The following STIM2 variants were observed in gnomAD, a reference collection of about 807,000 sequenced individuals.
STIM2 encodes stromal interaction molecule 2.
A neutral mutation model predicts 85.8 loss-of-function variants in STIM2; 31 were observed. The ratio of observed to expected loss-of-function variants is 0.36; its 90% confidence interval spans 0.27 to 0.49. STIM2 has a LOEUF of 0.49. Ranked by LOEUF, STIM2 falls within the 20% of genes least tolerant of loss-of-function variation. The pLI, the probability that STIM2 is intolerant of heterozygous loss-of-function variation, is 0.98. For synonymous variants in STIM2, 356 were observed against 331.1 expected (o/e 1.08, Z -0.82); for missense variants, 841 against 927.6 (o/e 0.91, Z 1.21).
intron 7 of STIM2, 43 bp downstream of exon 7, chr4:27,003,147 T>C: frequency 6.6e-7 from 1 of 1,518,718 alleles, no homozygotes; most frequent in Non-Finnish European, 8.8e-7. Context: ...GATGTTAACA[T>C]TGCCACTCTG....
chr4:26,961,909 G>A (rs1337512814), intron 3 of STIM2, among the ~76,000 whole-genome samples: 3 of 152,064 alleles, frequency 2.0e-5, no homozygotes, highest in Non-Finnish European at 2.9e-5. Flanking sequence ...ATACCACCAC[G>A]ACTGGCTTAT....
intron 2 of STIM2, among the ~76,000 whole-genome samples, 180 bp downstream of exon 2, chr4:26,919,814 T>TC (rs940107493): frequency 3.9e-5 from 6 of 152,124 alleles, no homozygotes; most frequent in Non-Finnish European, 5.9e-5. Flanking sequence ...TTTCTGTTTT[T>TC]CCCCCCATTT....
intron 11 of STIM2, chr4:27,021,062 A>T (rs1728891302): frequency 3.3e-6 from 5 of 1,536,670 alleles, no homozygotes; most frequent in African/African-American, 1.4e-5. Flanking sequence ...GCTCTCAAAA[A>T]AAAAAAGTGA....
At chr4:26,991,857 C>T (rs935593217) in intron 3 of STIM2, among the ~76,000 whole-genome samples, 5 of 152,016 alleles carry the variant, frequency 3.3e-5, no homozygotes, top group Admixed American at 1.3e-4. Context: ...CTTTGAGACA[C>T]TGACCTGTAG....
In STIM2 at chr4:26,865,647, C is replaced by G. The variant is rs1056552434; in HGVS notation, c.151+4278C>G. Among the ~76,000 whole-genome samples the G allele has an allele frequency of 3.2e-4, 49 of 152,056 alleles. 1 individual carries two copies. Among genetic ancestry groups the G allele is most frequent in the African/African-American group, 1.1e-3 (47 of 41,400 alleles). The stretch of plus-strand genomic sequence containing the variant: ...ATAGTTAATGTATATATTGGCTAAG[C>G]TAATACTAAAACTAACTGCTAATAA... On this transcript the variant is annotated intron_variant, in intron 1 of 11. Transcript: ENST00000467087.
intron 1 of STIM2, among the ~76,000 whole-genome samples, chr4:26,912,933 A>G (rs1213679040): frequency 2.0e-5 from 3 of 152,102 alleles, no homozygotes; most frequent in East Asian, 1.9e-4. Context: ...AGGCTTGTGC[A>G]TTGCAGTTAA....
At chr4:26,917,950 G>A (rs1724648181) in intron 1 of STIM2, among the ~76,000 whole-genome samples, 1 of 152,090 alleles carries the variant, frequency 6.6e-6, no homozygotes, top group African/African-American at 2.4e-5. Flanking sequence ...TGATTGTTCT[G>A]TGAATTAGGG....
rs1577494006 is a variant in STIM2 at position 27,008,090 on chromosome 4, T to G, written c.1150-338T>G. ...TTAATCTGAATTCTAGCCAAAAAATTTAAAAGCTTAGTTCACTCACTAGCA... is the reference window on the plus strand; with the variant it reads ...TTAATCTGAATTCTAGCCAAAAAATGTAAAAGCTTAGTTCACTCACTAGCA... On this transcript the variant is annotated intron_variant, in intron 8 of 11. Transcript: ENST00000467087. 3 of 688,788 alleles carry G rather than the reference T, an allele frequency of 4.4e-6. No homozygotes were observed. The East Asian group carries it at 8.1e-5, about 19-fold the overall frequency. 42.7% of individuals were successfully genotyped at this position (688,788 alleles called of 1,614,324 possible). A position where few individuals can be genotyped will look rare whatever the true frequency, so the allele number is the denominator to read the frequency against.
chr4:26,939,968 A>G (rs1725540166), intron 2 of STIM2, among the ~76,000 whole-genome samples: 1 of 152,214 alleles, frequency 6.6e-6, no homozygotes, highest in Non-Finnish European at 1.5e-5. Context: ...GAATCGTGGC[A>G]TGCTCTTGTG....
intron 3 of STIM2, among the ~76,000 whole-genome samples, chr4:26,977,445 A>T (rs1727241254): frequency 6.6e-6 from 1 of 152,196 alleles, no homozygotes. Flanking sequence ...CAAAATGATT[A>T]TTGTAATTAC....
chr4:27,012,080 G>A (rs1219355011), intron 10 of STIM2, among the ~76,000 whole-genome samples: 2 of 151,932 alleles, frequency 1.3e-5, no homozygotes, highest in Non-Finnish European at 2.9e-5. Flanking sequence ...CTTCATTCCT[G>A]TTCTATCCTT....
chr4:26,876,681 T>G (rs1379358342), intron 1 of STIM2, among the ~76,000 whole-genome samples: 1 of 152,188 alleles, frequency 6.6e-6, no homozygotes, highest in Non-Finnish European at 1.5e-5. Context: ...TGACAGTTTT[T>G]TGGCCAAAGC....
chr4:27,019,520 C>A (rs1378301295), intron 11 of STIM2: 1 of 1,272,036 alleles, frequency 7.9e-7, no homozygotes, highest in Admixed American at 2.3e-5. Context: ...ATTGATGGAA[C>A]GTTCAGTTCT....
intron 4 of STIM2, 139 bp downstream of exon 4, chr4:26,995,629 T>C (rs1056160782): frequency 2.5e-6 from 1 of 394,074 alleles, no homozygotes; most frequent in African/African-American, 2.1e-5. Flanking sequence ...CTTTAATCTT[T>C]CTAAATTATG....
intron 5 of STIM2, 102 bp downstream of exon 5, chr4:26,999,449 G>T (rs1728069825): frequency 1.9e-6 from 1 of 513,456 alleles, no homozygotes; most frequent in Admixed American, 4.1e-5. Flanking sequence ...CCTCTAAGAA[G>T]AATCATCTAT....
At chr4:26,934,126 G>A (rs1487032781) in intron 2 of STIM2, among the ~76,000 whole-genome samples, 4 of 152,068 alleles carry the variant, frequency 2.6e-5, no homozygotes, top group African/African-American at 2.4e-5. Flanking sequence ...CCCAGGAGGC[G>A]GAGTTTGCAG....
intron 1 of STIM2, among the ~76,000 whole-genome samples, chr4:26,862,871 A>C (rs1367392870): frequency 2.6e-5 from 4 of 152,208 alleles, no homozygotes; most frequent in Non-Finnish European, 2.9e-5. Flanking sequence ...GATAAATAAG[A>C]CTATAATTTG....
chr4:27,000,213 A>C (rs1210833311), intron 5 of STIM2, among the ~76,000 whole-genome samples: 2 of 152,186 alleles, frequency 1.3e-5, no homozygotes, highest in African/African-American at 2.4e-5. Context: ...CTTCTAAAAA[A>C]GGGTAACTAG....
chr4:26,958,375 C>A (rs1726326342), intron 3 of STIM2, among the ~76,000 whole-genome samples: 1 of 152,138 alleles, frequency 6.6e-6, no homozygotes, highest in African/African-American at 2.4e-5. Flanking sequence ...TTCCTTCTTT[C>A]TAATGCTTCT....
Sources: gnomAD v4.1 joint callset for allele counts (sites outside exome capture counted in the v4.1 genomes callset) on GRCh38, gnomAD v4.1.1 for gene constraint, MANE v1.5 for transcripts, NCBI Gene and HGNC (gene_info 2026-07-23, HGNC 2026-07-21) for gene names.